The following SPINK5 variants were observed in gnomAD, a reference collection of about 807,000 sequenced individuals.
The protein encoded by SPINK5 is serine peptidase inhibitor Kazal type 5.
SPINK5 carries 125 observed loss-of-function variants against 151.8 expected under a neutral mutation model. The ratio of observed to expected loss-of-function variants is 0.82; its 90% CI spans 0.71 to 0.96. The LOEUF (loss-of-function observed/expected upper bound fraction) is 0.96, where lower values mean the gene tolerates loss of function less well. Ranked by LOEUF, SPINK5 falls within the 40% of genes least tolerant of loss-of-function variation. SPINK5 has a pLI of 0.00. For synonymous variants in SPINK5, 374 were observed against 395.3 expected (o/e 0.95, Z 0.64); for missense variants, 1,194 against 1,291.9 (o/e 0.92, Z 1.16).
chr5:148,082,323 T>C (rs1457907518), intron 4 of SPINK5, among the ~76,000 whole-genome samples: 1 of 151,234 alleles, frequency 6.6e-6, no homozygotes, highest in African/African-American at 2.4e-5. Flanking sequence ...GACAAATATT[T>C]TTGAAGATAT....
intron 7 of SPINK5, among the ~76,000 whole-genome samples, chr5:148,090,381 C>A (rs957703452): frequency 1.3e-5 from 2 of 151,746 alleles, no homozygotes; most frequent in Non-Finnish European, 2.9e-5. Flanking sequence ...ATCAGGTTTA[C>A]AAAACAGTGA....
At chr5:148,091,720 A>G (rs2113078641) in intron 8 of SPINK5, among the ~76,000 whole-genome samples, 1 of 151,362 alleles carries the variant, frequency 6.6e-6, no homozygotes, top group East Asian at 2.0e-4. Context: ...TGCCATTGTG[A>G]TTATTCTGTT....
At chr5:148,123,519 G>A (rs4705224) in intron 26 of SPINK5, among the ~76,000 whole-genome samples, 6,948 of 19,076 alleles carry the variant, frequency 0.36, 511 homozygotes, top group African/African-American at 0.5. Flanking sequence ...TGCAATATAT[G>A]TGTATATATA....
intron 4 of SPINK5, among the ~76,000 whole-genome samples, chr5:148,078,238 A>G (rs538896985): frequency 6.6e-6 from 1 of 151,372 alleles, no homozygotes; most frequent in African/African-American, 2.4e-5. Context: ...GTTAAGCAAT[A>G]TAACAATGAT....
intron 17 of SPINK5, among the ~76,000 whole-genome samples, chr5:148,107,391 A>G (rs1161207489): frequency 6.6e-6 from 1 of 151,978 alleles, no homozygotes; most frequent in Non-Finnish European, 1.5e-5. Context: ...AGCTCAATTT[A>G]ATGGTTTTTT....
intron 4 of SPINK5, among the ~76,000 whole-genome samples, chr5:148,078,042 T>C (rs184188242): frequency 6.6e-6 from 1 of 151,144 alleles, no homozygotes; most frequent in Non-Finnish European, 1.5e-5. Flanking sequence ...AAAGGAACTA[T>C]AAGCTATCTC....
Position 148,086,484 on chromosome 5 carries a change from C to T in SPINK5, c.362C>T (p.Thr121Ile). Residue 121 changes from threonine (T) to isoleucine (I), a missense_variant, in exon 5 of 33, where the codon ACA becomes ATA. By Grantham distance (89) the Thr-to-Ile change is moderately conservative. Coordinates refer to ENST00000256084, the MANE Select transcript of SPINK5 (RefSeq NM_006846.4). ...GATTATTATGAAGCTGTTTGTGGCA[C>T]AGATGGGAAAACATATGACAACAGA... ...CPDYYEAVCG[T>I]DGKTYDNRCA... The T allele has an allele frequency of 6.2e-7, 1 of 1,611,986 alleles. No individual in the cohort carries two copies. The highest frequency in any genetic ancestry group is 8.5e-7 in the Non-Finnish European group (1 of 1,178,816).
At chr5:148,092,101 A>C (rs1276707619) in intron 8 of SPINK5, among the ~76,000 whole-genome samples, 2 of 151,908 alleles carry the variant, frequency 1.3e-5, no homozygotes, top group African/African-American at 4.8e-5. Flanking sequence ...TAATGACCTG[A>C]ATTTTACCTT....
chr5:148,087,624 G>T (rs183491737), intron 5 of SPINK5, among the ~76,000 whole-genome samples: 2 of 151,878 alleles, frequency 1.3e-5, no homozygotes, highest in African/African-American at 4.8e-5. Flanking sequence ...GATATATATT[G>T]TGTAGCACAA....
At position 148,137,029 on chromosome 5, in the gene SPINK5, C is replaced by T. The variant is rs772879624; in HGVS notation, c.*38C>T. 3 of 1,612,894 alleles carry T rather than the reference C, an allele frequency of 1.9e-6. No individual in the cohort carries two copies. In the South Asian group the frequency reaches 3.3e-5, roughly 18 times the overall value. ...TGAAAGCCATGAGGGAAAAAATAAA[C>T]CCCAGTTCTGAATCACCTACCTTCA... On this transcript the variant is annotated 3_prime_UTR_variant, in exon 33 of 33. Coordinates refer to ENST00000256084, the MANE Select transcript of SPINK5 (RefSeq NM_006846.4).
intron 32 of SPINK5, among the ~76,000 whole-genome samples, chr5:148,136,261 T>C (rs1036001986): frequency 4.6e-5 from 7 of 152,166 alleles, no homozygotes; most frequent in Non-Finnish European, 7.4e-5. Flanking sequence ...AAATGACTAT[T>C]CTTATCTATA....
rs1753799340 is a variant in SPINK5 at position 148,107,026 on chromosome 5, T to C, written c.1480-11T>C. The C allele has an allele frequency of 6.2e-7, 1 of 1,611,482 alleles. No homozygotes were observed. The highest frequency in any genetic ancestry group is 2.2e-5 in the East Asian group (1 of 44,774). ...AAACTACTCTGAGAAAATATTTTCTTCATTTCCCAGGAAATCTGCAGTGAA... is the reference window on the plus strand; with the variant it reads ...AAACTACTCTGAGAAAATATTTTCTCCATTTCCCAGGAAATCTGCAGTGAA... On this transcript the variant is annotated splice_polypyrimidine_tract_variant and intron_variant, in intron 16 of 32. Transcript: ENST00000256084.
At chr5:148,109,156 T>C (rs957935874) in intron 18 of SPINK5, among the ~76,000 whole-genome samples, 1 of 152,166 alleles carries the variant, frequency 6.6e-6, no homozygotes, top group Non-Finnish European at 1.5e-5. Context: ...GATGTTCAGA[T>C]TTTTCTCAAG....
At chr5:148,133,694 A>G in intron 31 of SPINK5, 103 bp from the exon 32 acceptor site, 2 of 1,035,638 alleles carry the variant, frequency 1.9e-6, no homozygotes. Flanking sequence ...CTCTAAATAC[A>G]GTTTGGTTTG....
intron 7 of SPINK5, 153 bp from the exon 8 acceptor site, chr5:148,091,012 G>C: frequency 1.5e-6 from 1 of 649,322 alleles, no homozygotes; most frequent in Non-Finnish European, 2.7e-6. Flanking sequence ...AATTTCTCTG[G>C]CTCAGGCATT....
At chr5:148,106,746 T>C (rs192210188) in intron 16 of SPINK5, among the ~76,000 whole-genome samples, 60 of 152,278 alleles carry the variant, frequency 3.9e-4, no homozygotes, top group African/African-American at 1.4e-3. Context: ...AGGCTTCTCA[T>C]CTAAGCCTGC....
Position 148,120,096 on chromosome 5 carries a change from A to G in SPINK5, c.2401A>G (p.Lys801Glu). ...TGACCCTGTCCGGGGTCCAGATGGCAAGACACATGGCAATAAGTGTACTAT... is the reference window on the plus strand; with the variant it reads ...TGACCCTGTCCGGGGTCCAGATGGCGAGACACATGGCAATAAGTGTACTAT... ...ESDPVRGPDG[K>E]THGNKCTMCK... is the part of the protein sequence containing the mutation. The change falls in exon 25 of 33, where the codon AAG becomes GAG. Residue 801 changes from lysine (K) to glutamate (E), a missense_variant. Physicochemically the swap from Lys to Glu is moderately conservative, Grantham distance 56. Coordinates refer to ENST00000256084, the MANE Select transcript of SPINK5 (RefSeq NM_006846.4). 3.7e-6 allele frequency: 6 copies of G among 1,614,136 alleles called. No individual in the cohort carries two copies. Among genetic ancestry groups the G allele is most frequent in the Non-Finnish European group, 5.1e-6 (6 of 1,179,964 alleles).
intron 7 of SPINK5, chr5:148,090,533 C>A (rs4510567): frequency 0.68 from 102,666 of 151,318 alleles, 35,526 homozygotes; most frequent in African/African-American, 0.8. Flanking sequence ...GGAATTTGAC[C>A]TCTCTAACTC....
chr5:148,120,161 T>C (rs1754215248), intron 25 of SPINK5, 25 bp downstream of exon 25: 1 of 1,614,008 alleles, frequency 6.2e-7, no homozygotes, highest in African/African-American at 1.3e-5. Context: ...AAATGAGCTT[T>C]TGACTGTGAG....
Sources: gnomAD v4.1 joint callset for allele counts (sites outside exome capture counted in the v4.1 genomes callset) on GRCh38, gnomAD v4.1.1 for gene constraint, MANE v1.5 for transcripts, NCBI Gene and HGNC (gene_info 2026-07-23, HGNC 2026-07-21) for gene names.